Variants in WDR33 observed in about 807,000 individuals in gnomAD.
The protein encoded by WDR33 is pre-mRNA 3' end processing protein WDR33.
Under a neutral mutation model 164.9 loss-of-function variants are expected in WDR33, and 47 were observed. The observed-to-expected ratio is 0.29, with a 90% CI of 0.23 to 0.36. The LOEUF is 0.36. Among genes scored for constraint, WDR33 ranks in the 10% least tolerant of loss-of-function variants. The pLI is 1.00. For missense variants in WDR33, 1,137 were observed against 1,754.1 expected (o/e 0.65, Z 6.28); for synonymous variants, 505 against 589.0 (o/e 0.86, Z 2.06).
Position 127,719,414 on chromosome 2 carries a change from G to A in WDR33, c.2611C>T (p.Pro871Ser). The change falls in exon 16 of 22, where the codon CCT (proline) becomes TCT (serine). Residue 871 changes from proline (P) to serine (S), a missense_variant. Coordinates refer to ENST00000322313, the MANE Select transcript of WDR33 (RefSeq NM_018383.5). This position sits in a 1 kb window ranked among gnomAD's most constrained non-coding sequence, Gnocchi z 6.5. ...QQGPPQGSLG[P>S]PPQGGMQGPP... ...CCTTGCATGCCACCCTGGGGTGGAG[G>A]TCCTAAAGAGCCCTGGGGCGGCCCC... 6.5e-7 allele frequency: 1 copy of A among 1,539,870 alleles called. No homozygotes were observed. Among genetic ancestry groups the A allele is most frequent in the Non-Finnish European group, 8.7e-7 (1 of 1,145,612 alleles).
At chr2:127,761,138 A>G (rs1016391057) in intron 7 of WDR33, among the ~76,000 whole-genome samples, 1 of 152,170 alleles carries the variant, frequency 6.6e-6, no homozygotes, top group Admixed American at 6.5e-5. Flanking sequence ...CAAGCAGCAA[A>G]GTGGTTTTAG....
intron 7 of WDR33, chr2:127,736,414 AC>A: frequency 1.0e-6 from 1 of 985,454 alleles, no homozygotes; most frequent in Non-Finnish European, 1.2e-6. Flanking sequence ...GAGTGGTAGC[AC>A]AGAAGTGTTT....
intron 7 of WDR33, chr2:127,737,019 G>C: frequency 6.1e-6 from 6 of 985,326 alleles, no homozygotes; most frequent in Non-Finnish European, 4.8e-6. Context: ...TATAAAATGT[G>C]TGTCAATCTT....
At position 127,738,127 on chromosome 2, in the gene WDR33, G is replaced by A; in HGVS notation, c.725-11350C>T. On this transcript the variant is annotated intron_variant, in intron 7 of 21. Transcript: ENST00000322313. The surrounding 1 kb of genome is among the most constrained non-coding windows in gnomAD (Gnocchi z 4.4). ...GGTATCTATCACATGAGCCCTGGCA[G>A]ATTGTGTAATTTCCAGATATGACTG... 2 of 1,409,294 alleles carry A rather than the reference G, an allele frequency of 1.4e-6. No homozygotes were observed. Among genetic ancestry groups the A allele is most frequent in the Non-Finnish European group, 1.9e-6 (2 of 1,050,034 alleles). The allele number at this position is 1,409,294 out of a possible 1,614,324, so 87.3% of individuals were successfully genotyped here.
rs555724260 is a variant in WDR33, at chr2:127,726,904, AAG to A, written c.725-129_725-128del. The A allele has an allele frequency of 6.7e-4, 847 of 1,269,696 alleles. 1 individual carries two copies. Among genetic ancestry groups the A allele is most frequent in the Non-Finnish European group, 8.7e-4 (798 of 920,664 alleles). 78.7% of individuals were successfully genotyped at this position (1,269,696 alleles called of 1,614,324 possible). ...CAGTCAACTTAAAACTTGTTTTGTG[AAG>A]ACTCTTTGGCCTCTGTGTGTCTGGA... is the stretch of plus-strand genomic sequence containing the variant. On this transcript the variant is annotated intron_variant, in intron 7 of 21. Coordinates refer to ENST00000322313, the MANE Select transcript of WDR33 (RefSeq NM_018383.5). The surrounding 1 kb of genome is among the most constrained non-coding windows in gnomAD (Gnocchi z 4.8).
intron 7 of WDR33, among the ~76,000 whole-genome samples, chr2:127,750,743 TAC>T (rs1687329666): frequency 1.9e-5 from 1 of 53,646 alleles, no homozygotes; most frequent in Non-Finnish European, 3.1e-5. Context: ...TATGTATGCA[TAC>T]ATATATATGT....
intron 7 of WDR33, among the ~76,000 whole-genome samples, chr2:127,728,015 T>C (rs1686612937): frequency 1.3e-5 from 2 of 152,170 alleles, no homozygotes; most frequent in African/African-American, 4.8e-5. Flanking sequence ...GGCAAGCATG[T>C]AGGGAGGTGA....
intron 4 of WDR33, among the ~76,000 whole-genome samples, chr2:127,765,571 T>C (rs1003538420): frequency 9.9e-5 from 15 of 152,008 alleles, no homozygotes; most frequent in Non-Finnish European, 2.1e-4. Flanking sequence ...AAACAGAATA[T>C]GCAAAGACCT....
At position 127,726,853 on chromosome 2, in the gene WDR33, C is replaced by T. The variant is rs1686583112; in HGVS notation, c.725-76G>A. 2.1e-5 allele frequency: 33 copies of T among 1,568,396 alleles called. No homozygotes were observed. The highest frequency in any genetic ancestry group is 2.7e-5 in the Non-Finnish European group (31 of 1,153,566). On this transcript the variant is annotated intron_variant, in intron 7 of 21. Transcript: ENST00000322313. This position sits in a 1 kb window ranked among gnomAD's most constrained non-coding sequence, Gnocchi z 4.8. Reference sequence around the variant, plus strand: ...GCAATTTAAACCAAAGTAGAGAAACCTAGTAAATGTTTTGCTCTCAGTGCT... The same window carrying T: ...GCAATTTAAACCAAAGTAGAGAAACTTAGTAAATGTTTTGCTCTCAGTGCT...
intron 7 of WDR33, among the ~76,000 whole-genome samples, chr2:127,750,677 A>AAT (rs1161071581): frequency 0.018 from 645 of 35,676 alleles, 12 homozygotes; most frequent in Non-Finnish European, 0.021. Context: ...AAAAAAAAAA[A>AAT]ATATATATAT....
intron 17 of WDR33, among the ~76,000 whole-genome samples, chr2:127,715,088 C>CTTTTT (rs386391178): frequency 1.5e-4 from 16 of 108,564 alleles, no homozygotes; most frequent in Non-Finnish European, 1.6e-4. Context: ...TTCTTTGTTT[C>CTTTTT]TTTTTTTTTT....
rs553385794 is a variant in WDR33, at chr2:127,708,487, G to A, written c.3781+190C>T. Among the ~76,000 whole-genome samples, 3 of 152,360 alleles carry A rather than the reference G, an allele frequency of 2.0e-5. No homozygotes were observed. The highest frequency in any genetic ancestry group is 7.2e-5 in the African/African-American group (3 of 41,584). On this transcript the variant is annotated intron_variant, in intron 21 of 21. Coordinates refer to ENST00000322313, the MANE Select transcript of WDR33 (RefSeq NM_018383.5). This position sits in a 1 kb window ranked among gnomAD's most constrained non-coding sequence, Gnocchi z 6.7. ...AAACCTCAAGTGAACAGGGATTCCCGGAGGCAAGTGGAGTCCTGTGCAGGG... is the reference window on the plus strand; with the variant it reads ...AAACCTCAAGTGAACAGGGATTCCCAGAGGCAAGTGGAGTCCTGTGCAGGG...
At chr2:127,760,547 C>T (rs1156318591) in intron 7 of WDR33, among the ~76,000 whole-genome samples, 2 of 152,146 alleles carry the variant, frequency 1.3e-5, no homozygotes, top group African/African-American at 4.8e-5. Context: ...ACCCTCTGAC[C>T]CCACAACTCA....
Position 127,756,994 on chromosome 2 carries a change from T to C in WDR33, c.724+6068A>G, listed in dbSNP as rs190478315. 2.2e-4 allele frequency among the ~76,000 whole-genome samples: 33 copies of C among 151,900 alleles called. No homozygotes were observed. In the East Asian group the frequency reaches 6.2e-3, roughly 29 times the overall value. ...AGGGAGGCTGAGGTGGGAGAATTGC[T>C]TGAACCTGCAAGGTGGAGGTTGCAG... On this transcript the variant is annotated intron_variant, in intron 7 of 21. Transcript: ENST00000322313.
Position 127,722,001 on chromosome 2 carries a change from G to C in WDR33, c.1519-13C>G. ...TTTGCATCCAAGCCTTGGGAAAGAA[G>C]AGAATATTAAAATGTACGCTAAGTA... is the stretch of plus-strand genomic sequence containing the variant. On this transcript the variant is annotated splice_polypyrimidine_tract_variant and intron_variant, in intron 14 of 21. Coordinates refer to ENST00000322313, the MANE Select transcript of WDR33 (RefSeq NM_018383.5). This position sits in a 1 kb window ranked among gnomAD's most constrained non-coding sequence, Gnocchi z 5.1. 6.2e-7 allele frequency: 1 copy of C among 1,608,396 alleles called. No homozygotes were observed. The highest frequency in any genetic ancestry group is 8.5e-7 in the Non-Finnish European group (1 of 1,178,842).
intron 8 of WDR33, 113 bp from the exon 9 acceptor site, chr2:127,725,328 C>A: frequency 9.7e-7 from 1 of 1,031,496 alleles, no homozygotes; most frequent in Non-Finnish European, 1.4e-6. Flanking sequence ...GGCCTAGAAG[C>A]AATAAAGCCT....
chr2:127,810,379 A>T (rs1689607518), intron 1 of WDR33, among the ~76,000 whole-genome samples: 1 of 152,200 alleles, frequency 6.6e-6, no homozygotes, highest in African/African-American at 2.4e-5. Context: ...CCCAAGGGTT[A>T]CAACCAAGTA....
chr2:127,778,530 C>T (rs1166163425), intron 1 of WDR33, among the ~76,000 whole-genome samples: 2 of 151,802 alleles, frequency 1.3e-5, no homozygotes, highest in African/African-American at 4.8e-5. Flanking sequence ...CACACACACA[C>T]ACATTCTGTT....
At chr2:127,759,013 T>G (rs917386545) in intron 7 of WDR33, among the ~76,000 whole-genome samples, 1 of 152,214 alleles carries the variant, frequency 6.6e-6, no homozygotes, top group Non-Finnish European at 1.5e-5. Context: ...ATTTCTCGTG[T>G]GTACAATGTT....
Sources: allele counts gnomAD v4.1 joint callset (sites outside exome capture counted in the v4.1 genomes callset), GRCh38; gene constraint gnomAD v4.1.1; non-coding constraint Gnocchi (gnomAD v3.1); transcripts MANE v1.5; gene names NCBI Gene and HGNC (gene_info 2026-07-23, HGNC 2026-07-21).